CTDSPL: variants seen among roughly 807,000 people sequenced by gnomAD.
The protein encoded by CTDSPL is CTD small phosphatase-like protein.
In CTDSPL, 8 loss-of-function variants were observed where a neutral mutation model predicts 30.5. That is an observed-to-expected ratio of 0.26 (90% CI 0.15 to 0.47). The LOEUF is 0.47. Among genes scored for constraint, CTDSPL ranks in the 20% least tolerant of loss-of-function variants. CTDSPL has a pLI of 0.99. For synonymous variants in CTDSPL, 110 were observed against 137.9 expected (o/e 0.80, Z 1.42); for missense variants, 248 against 366.1 (o/e 0.68, Z 2.63).
chr3:37,870,302 A>G (rs934578783), intron 1 of CTDSPL, among the ~76,000 whole-genome samples: 6 of 151,968 alleles, frequency 3.9e-5, no homozygotes, highest in Non-Finnish European at 7.4e-5. Context: ...TGTTTTTCTG[A>G]GATTTGAGTC....
intron 2 of CTDSPL, among the ~76,000 whole-genome samples, chr3:37,949,635 T>C (rs369277275): frequency 2.0e-5 from 3 of 152,368 alleles, no homozygotes; most frequent in Middle Eastern, 3.4e-3. Flanking sequence ...GGTGGAATTA[T>C]AGCTAGGATT....
intron 1 of CTDSPL, among the ~76,000 whole-genome samples, chr3:37,878,791 G>A (rs79122299): frequency 0.016 from 2,433 of 152,144 alleles, 30 homozygotes; most frequent in Non-Finnish European, 0.025. Flanking sequence ...TAAAATTGGG[G>A]CTGAGAATTT....
chr3:37,862,211 G>C lies in CTDSPL; in HGVS notation c.12G>C (p.Pro4=). The change falls in exon 1 of 8, where the codon CCG becomes CCC. Residue 4 remains proline, a synonymous_variant. Coordinates refer to ENST00000273179, the MANE Select transcript of CTDSPL (RefSeq NM_001008392.2). The surrounding 1 kb of genome is among the most constrained non-coding windows in gnomAD (Gnocchi z 4.3). MDG[P]AIITQVTNPK... ...CGCGCCGCGCACCCATGGACGGCCC[G>C]GCCATCATCACCCAGGTGACCAACC... 1.4e-6 allele frequency: 2 copies of C among 1,434,394 alleles called. No homozygotes were observed. The highest frequency in any genetic ancestry group is 1.8e-6 in the Non-Finnish European group (2 of 1,093,042). 88.9% of individuals were successfully genotyped at this position (1,434,394 alleles called of 1,614,324 possible). A position where few individuals can be genotyped will look rare whatever the true frequency, so the allele number is the denominator to read the frequency against.
rs376790458 is a variant in CTDSPL at position 37,875,004 on chromosome 3, C to T, written c.79+12726C>T. ...AAAAATCCACTACCTTTAAATAATT[C>T]TTCCCTTTAATTTCTTAACATATAT... On this transcript the variant is annotated intron_variant, in intron 1 of 7. Coordinates refer to ENST00000273179, the MANE Select transcript of CTDSPL (RefSeq NM_001008392.2). Among the ~76,000 whole-genome samples, 6 of 152,274 alleles carry T rather than the reference C, an allele frequency of 3.9e-5. No homozygotes were observed. The South Asian group carries it at 1.0e-3, about 26-fold the overall frequency.
Position 37,932,041 on chromosome 3 carries a change from G to A in CTDSPL, c.80-15016G>A, listed in dbSNP as rs555013919. Among the ~76,000 whole-genome samples, 8 of 152,048 alleles carry A rather than the reference G, an allele frequency of 5.3e-5. No homozygotes were observed. In the South Asian group the frequency reaches 1.7e-3, roughly 32 times the overall value. The stretch of plus-strand genomic sequence containing the variant: ...TTAAACATAAAACAATAAATCTACA[G>A]TAGCAAAGCTGTGTTTTACTGGCAC... On this transcript the variant is annotated intron_variant, in intron 1 of 7. Transcript: ENST00000273179.
At chr3:37,941,888 G>A (rs1362869972) in intron 1 of CTDSPL, among the ~76,000 whole-genome samples, 2 of 150,252 alleles carry the variant, frequency 1.3e-5, no homozygotes, top group East Asian at 3.9e-4. Context: ...CTGATGTACA[G>A]CTTGAGATAA....
At position 37,982,653 on chromosome 3, in the gene CTDSPL, CAG is replaced by C. The variant is rs10574398; in HGVS notation, c.*1787_*1788del. 807 of 456,696 alleles carry C rather than the reference CAG, an allele frequency of 1.8e-3. 4 individuals carry two copies. Among genetic ancestry groups the C allele is most frequent in the African/African-American group, 0.015 (759 of 50,190 alleles). 28.3% of individuals were successfully genotyped at this position (456,696 alleles called of 1,614,324 possible). A position where few individuals can be genotyped will look rare whatever the true frequency, so the allele number is the denominator to read the frequency against. On this transcript the variant is annotated 3_prime_UTR_variant, in exon 8 of 8. Coordinates refer to ENST00000273179, the MANE Select transcript of CTDSPL (RefSeq NM_001008392.2). ...AATATTCAGAAGGGAAGTAAGTATT[CAG>C]GGGGTAAACAGGTCTCCCAGCATTC...
rs533245272 is a variant in CTDSPL at position 37,882,417 on chromosome 3, G to A, written c.79+20139G>A. 7.4e-5 allele frequency among the ~76,000 whole-genome samples: 11 copies of A among 149,098 alleles called. No individual in the cohort carries two copies. In the East Asian group the frequency reaches 1.4e-3, roughly 19 times the overall value. ...AGATCGCACCACTGCACTCCAGCCT[G>A]GGTGACAGAGCAAGACTCTAACTCA... On this transcript the variant is annotated intron_variant, in intron 1 of 7. Transcript: ENST00000273179.
At chr3:37,900,195 G>A (rs1302664593) in intron 1 of CTDSPL, among the ~76,000 whole-genome samples, 1 of 152,226 alleles carries the variant, frequency 6.6e-6, no homozygotes, top group African/African-American at 2.4e-5. Flanking sequence ...GCTTGAGTGT[G>A]AGCGGGGAGG....
intron 1 of CTDSPL, among the ~76,000 whole-genome samples, chr3:37,933,440 T>C (rs1187750010): frequency 6.6e-6 from 1 of 152,206 alleles, no homozygotes; most frequent in Non-Finnish European, 1.5e-5. Context: ...AAATTTTATT[T>C]AATTTTGTAT....
intron 1 of CTDSPL, among the ~76,000 whole-genome samples, chr3:37,863,316 G>T (rs1214325557): frequency 6.6e-6 from 1 of 152,100 alleles, no homozygotes; most frequent in Non-Finnish European, 1.5e-5. Flanking sequence ...TTTGATTTTG[G>T]CACATTTTGA....
intron 1 of CTDSPL, among the ~76,000 whole-genome samples, chr3:37,922,307 T>G (rs1318443841): frequency 1.3e-5 from 2 of 151,904 alleles, no homozygotes; most frequent in African/African-American, 4.8e-5. Flanking sequence ...TATAAGTTAC[T>G]CTCTGAGTTG....
intron 1 of CTDSPL, among the ~76,000 whole-genome samples, chr3:37,912,276 C>G (rs1698592550): frequency 6.6e-6 from 1 of 152,188 alleles, no homozygotes; most frequent in Non-Finnish European, 1.5e-5. Context: ...TCAGCCCCGG[C>G]CACTCCTACC....
At chr3:37,919,008 T>C (rs1205813476) in intron 1 of CTDSPL, among the ~76,000 whole-genome samples, 2 of 152,054 alleles carry the variant, frequency 1.3e-5, no homozygotes, top group African/African-American at 4.8e-5. Context: ...ATAAATAAGT[T>C]CTGTGTAATA....
chr3:37,966,686 T>C (rs1269488303), intron 4 of CTDSPL, among the ~76,000 whole-genome samples: 3 of 152,264 alleles, frequency 2.0e-5, no homozygotes, highest in African/African-American at 7.2e-5. Context: ...AACGGTGCTA[T>C]GACCTAGCAT....
At chr3:37,898,475 G>A (rs978278979) in intron 1 of CTDSPL, among the ~76,000 whole-genome samples, 4 of 152,280 alleles carry the variant, frequency 2.6e-5, no homozygotes, top group South Asian at 4.1e-4. Flanking sequence ...TCAAATATTA[G>A]CAATATCACA....
At chr3:37,931,149 T>A (rs1195106333) in intron 1 of CTDSPL, among the ~76,000 whole-genome samples, 2 of 151,632 alleles carry the variant, frequency 1.3e-5, no homozygotes, top group African/African-American at 2.4e-5. Flanking sequence ...CTTTGTCTTT[T>A]TTTTTTTTTT....
chr3:37,898,149 C>T (rs1244803799), intron 1 of CTDSPL, among the ~76,000 whole-genome samples: 3 of 152,106 alleles, frequency 2.0e-5, no homozygotes, highest in Admixed American at 6.6e-5. Context: ...ATTTCAGAAG[C>T]ACCAGGGTGT....
intron 1 of CTDSPL, among the ~76,000 whole-genome samples, chr3:37,938,534 T>C (rs1267979889): frequency 2.7e-5 from 4 of 150,150 alleles, no homozygotes; most frequent in African/African-American, 9.7e-5. Context: ...GTGGACCCAG[T>C]TGTGCCTCCA....
Sources: allele counts gnomAD v4.1 joint callset (sites outside exome capture counted in the v4.1 genomes callset), GRCh38; gene constraint gnomAD v4.1.1; non-coding constraint Gnocchi (gnomAD v3.1); transcripts MANE v1.5; gene names NCBI Gene and HGNC (gene_info 2026-07-23, HGNC 2026-07-21).